Variants in DNM3 observed in about 807,000 individuals in gnomAD.
DNM3 encodes dynamin-3.
DNM3 carries 47 observed loss-of-function variants against 101.6 expected under a neutral mutation model. The observed-to-expected ratio is 0.46, with a 90% confidence interval of 0.37 to 0.59. DNM3 has a LOEUF of 0.59. Among genes scored for constraint, DNM3 ranks in the 20% least tolerant of loss-of-function variants. DNM3 has a pLI of 0.00. For synonymous variants in DNM3, 385 were observed against 387.9 expected, an observed-to-expected ratio of 0.99 and a Z score of 0.09; for missense variants, 849 against 1,085.7, an observed-to-expected ratio of 0.78 and a Z score of 3.06.
chr1:172,226,041 A>C (rs1234048831), intron 14 of DNM3, among the ~76,000 whole-genome samples: 2 of 152,142 alleles, frequency 1.3e-5, no homozygotes, highest in African/African-American at 4.8e-5. Context: ...AGCATCCTAT[A>C]AGTTTAGTTT....
At position 172,387,481 on chromosome 1, in the gene DNM3, C is replaced by A. The variant is rs926586783; in HGVS notation, c.2285+122C>A. The A allele has an allele frequency of 1.0e-5, 8 of 793,582 alleles. No individual in the cohort carries two copies. In the East Asian group the frequency reaches 1.7e-4, roughly 17 times the overall value. The allele number at this position is 793,582 out of a possible 1,614,324, so 49.2% of individuals were successfully genotyped here. ...GACCATCCTGGCGAACATAGTGAAA[C>A]CCTGTCTCTACTAAAAACATAAAAA... is the stretch of plus-strand genomic sequence containing the variant. On this transcript the variant is annotated intron_variant, in intron 19 of 20. Coordinates refer to ENST00000627582, the MANE Select transcript of DNM3 (RefSeq NM_015569.5).
chr1:172,084,402 T>G (rs1437974068), intron 12 of DNM3, among the ~76,000 whole-genome samples: 2 of 152,140 alleles, frequency 1.3e-5, no homozygotes, highest in African/African-American at 2.4e-5. Context: ...TATAATGACT[T>G]AAGTATGATT....
At chr1:171,993,863 C>T (rs1414942686) in intron 4 of DNM3, among the ~76,000 whole-genome samples, 2 of 151,940 alleles carry the variant, frequency 1.3e-5, no homozygotes, top group African/African-American at 2.4e-5. Flanking sequence ...TCTGCCTGTT[C>T]AGATCTGCTA....
chr1:172,280,943 G>A (rs1364808615), intron 15 of DNM3, among the ~76,000 whole-genome samples: 1 of 152,172 alleles, frequency 6.6e-6, no homozygotes, highest in Non-Finnish European at 1.5e-5. Flanking sequence ...TTCCACATCT[G>A]GAGATTGGAA....
intron 1 of DNM3, among the ~76,000 whole-genome samples, chr1:171,881,637 A>G (rs994223459): frequency 2.6e-5 from 4 of 152,152 alleles, no homozygotes; most frequent in African/African-American, 9.7e-5. Flanking sequence ...GGTAAAATAT[A>G]ATTCTGGGCA....
chr1:172,124,861 C>A (rs2056533296), intron 13 of DNM3, among the ~76,000 whole-genome samples: 1 of 152,206 alleles, frequency 6.6e-6, no homozygotes, highest in African/African-American at 2.4e-5. Context: ...CCTCTCGAGG[C>A]CTGCCAGGCC....
intron 13 of DNM3, among the ~76,000 whole-genome samples, chr1:172,111,898 G>C (rs1233236746): frequency 6.6e-6 from 1 of 151,906 alleles, no homozygotes; most frequent in Non-Finnish European, 1.5e-5. Flanking sequence ...GACTACAAAG[G>C]TGTCACGAGA....
intron 15 of DNM3, among the ~76,000 whole-genome samples, chr1:172,304,612 A>G (rs138837766): frequency 1.8e-4 from 28 of 152,290 alleles, no homozygotes; most frequent in Middle Eastern, 3.4e-3. Context: ...ACTTATTCCA[A>G]AGTTGACCAC....
chr1:172,412,586 A>G lies in DNM3; in HGVS notation c.*4745A>G. ...ACTTTCAGGATTTCTTAATGCTGAT[A>G]TATGGACTCTTAGAATGGAATTTTT... On this transcript the variant is annotated 3_prime_UTR_variant, in exon 21 of 21. Transcript: ENST00000627582. 1.0e-6 allele frequency: 1 copy of G among 985,880 alleles called. No homozygotes were observed. Among genetic ancestry groups the G allele is most frequent in the Non-Finnish European group, 1.2e-6 (1 of 829,934 alleles). 61.1% of individuals were successfully genotyped at this position (985,880 alleles called of 1,614,324 possible). A position where few individuals can be genotyped will look rare whatever the true frequency, so the allele number is the denominator to read the frequency against.
chr1:172,311,996 T>C (rs1557975623), intron 16 of DNM3, among the ~76,000 whole-genome samples: 1 of 152,234 alleles, frequency 6.6e-6, no homozygotes, highest in Admixed American at 6.5e-5. Flanking sequence ...CAGGTCATAT[T>C]ACATAATTGC....
rs115918097 is a variant in DNM3 at position 171,879,216 on chromosome 1, A to G, written c.161+37399A>G. Reference sequence around the variant, plus strand: ...AGTTGTTCAAAGAAGCAAGGGCTGGAAGAAGTTAGACTGTTCTTCCTTTGC... The same window carrying G: ...AGTTGTTCAAAGAAGCAAGGGCTGGGAGAAGTTAGACTGTTCTTCCTTTGC... On this transcript the variant is annotated intron_variant, in intron 1 of 20. Coordinates refer to ENST00000627582, the MANE Select transcript of DNM3 (RefSeq NM_015569.5). Among the ~76,000 whole-genome samples, 1,481 of 152,324 alleles carry G rather than the reference A, an allele frequency of 9.7e-3. 31 individuals carry two copies. The highest frequency in any genetic ancestry group is 0.034 in the African/African-American group (1,394 of 41,564).
chr1:171,938,999 T>A (rs2041638281), intron 2 of DNM3, among the ~76,000 whole-genome samples: 1 of 152,206 alleles, frequency 6.6e-6, no homozygotes, highest in Admixed American at 6.5e-5. Context: ...TTGCTGGTTA[T>A]GTTAATTTTT....
chr1:172,104,198 A>G (rs1237758826), intron 13 of DNM3, among the ~76,000 whole-genome samples: 4 of 152,118 alleles, frequency 2.6e-5, no homozygotes, highest in East Asian at 1.9e-4. Flanking sequence ...CTGCTTATCT[A>G]TCTCTTGACT....
chr1:172,144,382 G>C lies in DNM3; in HGVS notation c.1659+13094G>C, dbSNP rs755292182. ...GGCCTTACCCGCTGGTCTTCCCTTC[G>C]GCAGTCTTTTCTCAGCAGTGTCCCC... On this transcript the variant is annotated intron_variant, in intron 14 of 20. Coordinates refer to ENST00000627582, the MANE Select transcript of DNM3 (RefSeq NM_015569.5). The C allele has an allele frequency of 1.9e-5, 4 of 209,666 alleles. No individual in the cohort carries two copies. In the South Asian group the frequency reaches 2.7e-4, roughly 14 times the overall value. 13.0% of individuals were successfully genotyped at this position (209,666 alleles called of 1,614,324 possible).
At chr1:172,215,762 G>C (rs1412267842) in intron 14 of DNM3, among the ~76,000 whole-genome samples, 1 of 151,978 alleles carries the variant, frequency 6.6e-6, no homozygotes. Context: ...CCCTGTGACT[G>C]CTTACAAGGC....
intron 1 of DNM3, among the ~76,000 whole-genome samples, chr1:171,869,010 T>C (rs1391080225): frequency 6.6e-6 from 1 of 152,132 alleles, no homozygotes; most frequent in Non-Finnish European, 1.5e-5. Flanking sequence ...CTCGACCTCC[T>C]GACCTCAGGT....
chr1:172,118,776 T>G (rs998699828), intron 13 of DNM3, among the ~76,000 whole-genome samples: 11 of 152,232 alleles, frequency 7.2e-5, no homozygotes, highest in Admixed American at 5.9e-4. Context: ...TTTTCTCATA[T>G]TTAATGCTTT....
chr1:172,251,446 A>G (rs922553287), intron 14 of DNM3, among the ~76,000 whole-genome samples: 2 of 151,442 alleles, frequency 1.3e-5, no homozygotes, highest in African/African-American at 2.4e-5. Flanking sequence ...GTCTGAATAC[A>G]TTTTCTTCTT....
chr1:172,044,959 C>T (rs552532921), intron 9 of DNM3, among the ~76,000 whole-genome samples: 1 of 151,714 alleles, frequency 6.6e-6, no homozygotes, highest in African/African-American at 2.4e-5. Flanking sequence ...ATGAAGTGGG[C>T]AGCAGTGTGA....
Sources: gnomAD v4.1 joint callset for allele counts (sites outside exome capture counted in the v4.1 genomes callset) on GRCh38, gnomAD v4.1.1 for gene constraint, MANE v1.5 for transcripts, NCBI Gene and HGNC (gene_info 2026-07-23, HGNC 2026-07-21) for gene names.